Variants in MAPKAP1 observed in about 807,000 individuals in gnomAD.
The protein encoded by MAPKAP1 is target of rapamycin complex 2 subunit MAPKAP1.
MAPKAP1 carries 20 observed loss-of-function variants against 65.7 expected under a neutral mutation model. That is an observed-to-expected ratio of 0.30 (90% CI 0.21 to 0.44). MAPKAP1 has a LOEUF of 0.44. Ranked by LOEUF, MAPKAP1 falls within the 20% of genes least tolerant of loss-of-function variation. The pLI is 1.00. For missense variants in MAPKAP1, 423 were observed against 648.0 expected (o/e 0.65, Z 3.77); for synonymous variants, 222 against 244.3 (o/e 0.91, Z 0.85).
In MAPKAP1 at chr9:125,706,423, TG is replaced by T. The variant is rs563524180; in HGVS notation, c.-70+547del. Among the ~76,000 whole-genome samples, 190 of 152,164 alleles carry T rather than the reference TG, an allele frequency of 1.2e-3. 2 individuals are homozygous for T. Among genetic ancestry groups the T allele is most frequent in the Admixed American group, 0.011 (175 of 15,268 alleles). ...GTTTTAACCAATTTCTGAGTCAATTTGGGGGTCTCTGGTTAAAGTCATAATC... is the reference window on the plus strand; with the variant it reads ...GTTTTAACCAATTTCTGAGTCAATTTGGGGTCTCTGGTTAAAGTCATAATC... On this transcript the variant is annotated intron_variant, in intron 1 of 11. Coordinates refer to ENST00000265960, the MANE Select transcript of MAPKAP1 (RefSeq NM_001006617.3).
intron 6 of MAPKAP1, among the ~76,000 whole-genome samples, chr9:125,543,457 T>A (rs1254959452): frequency 6.6e-6 from 1 of 151,206 alleles, no homozygotes; most frequent in Non-Finnish European, 1.5e-5. Flanking sequence ...TTTTTTTTTT[T>A]AGTAGAGACA....
At chr9:125,653,812 G>A (rs940544840) in intron 4 of MAPKAP1, among the ~76,000 whole-genome samples, 2 of 152,166 alleles carry the variant, frequency 1.3e-5, no homozygotes, top group Non-Finnish European at 2.9e-5. Flanking sequence ...GGTCTCATGA[G>A]GCTTGTGAGG....
At chr9:125,471,097 T>C (rs1039134561) in intron 9 of MAPKAP1, 2 of 152,222 alleles carry the variant, frequency 1.3e-5, no homozygotes, top group Non-Finnish European at 2.9e-5. Flanking sequence ...TTAACACTTG[T>C]GTGAGTCTCA....
intron 4 of MAPKAP1, among the ~76,000 whole-genome samples, chr9:125,592,700 C>A (rs879840134): frequency 1.1e-4 from 17 of 151,292 alleles, no homozygotes; most frequent in Non-Finnish European, 2.2e-4. Context: ...GTCAGGAGAT[C>A]GAGACCATCT....
At chr9:125,682,695 T>C (rs1377057638) in intron 1 of MAPKAP1, among the ~76,000 whole-genome samples, 1 of 152,242 alleles carries the variant, frequency 6.6e-6, no homozygotes, top group African/African-American at 2.4e-5. Flanking sequence ...TTACTAGTTT[T>C]ACCTAAACTG....
intron 7 of MAPKAP1, among the ~76,000 whole-genome samples, chr9:125,538,575 A>G (rs1232250305): frequency 6.6e-6 from 1 of 152,092 alleles, no homozygotes; most frequent in Non-Finnish European, 1.5e-5. Flanking sequence ...TAAACTGCAA[A>G]GTAATCTGAA....
intron 4 of MAPKAP1, among the ~76,000 whole-genome samples, chr9:125,627,831 T>C (rs777169061): frequency 1.3e-5 from 2 of 151,994 alleles, no homozygotes; most frequent in Non-Finnish European, 2.9e-5. Context: ...ATTCCCACTG[T>C]TTTCATAGGC....
intron 7 of MAPKAP1, among the ~76,000 whole-genome samples, chr9:125,539,111 A>C (rs539533532): frequency 4.7e-4 from 71 of 152,220 alleles, no homozygotes; most frequent in Non-Finnish European, 5.4e-4. Flanking sequence ...CTGTAATTCT[A>C]AACAGATATA....
intron 6 of MAPKAP1, among the ~76,000 whole-genome samples, chr9:125,554,064 A>G (rs2133198801): frequency 6.6e-6 from 1 of 152,240 alleles, no homozygotes; most frequent in Non-Finnish European, 1.5e-5. Context: ...ACCCTAGGAT[A>G]ACGTGGCGAG....
At chr9:125,450,395 G>T (rs1002376523) in intron 10 of MAPKAP1, among the ~76,000 whole-genome samples, 42 of 152,158 alleles carry the variant, frequency 2.8e-4, no homozygotes, top group African/African-American at 9.4e-4. Flanking sequence ...AACCATTCTC[G>T]CCTGTTTTCA....
intron 11 of MAPKAP1, among the ~76,000 whole-genome samples, chr9:125,443,019 G>A (rs1852552602): frequency 6.6e-6 from 1 of 152,174 alleles, no homozygotes; most frequent in African/African-American, 2.4e-5. Context: ...TCCTGGCTCT[G>A]CTACTTTATT....
rs1012722822 is a variant in MAPKAP1 at position 125,595,058 on chromosome 9, T to C, written c.499-9331A>G. Reference sequence around the variant, plus strand: ...TAAACACTTGCATTATATTATAGCATATGGTGGTACCACCTATTCTCCCAT... The same window carrying C: ...TAAACACTTGCATTATATTATAGCACATGGTGGTACCACCTATTCTCCCAT... On this transcript the variant is annotated intron_variant, in intron 4 of 11. Coordinates refer to ENST00000265960, the MANE Select transcript of MAPKAP1 (RefSeq NM_001006617.3). This position sits in a 1 kb window ranked among gnomAD's most constrained non-coding sequence, Gnocchi z 4.0. 2.0e-5 allele frequency among the ~76,000 whole-genome samples: 3 copies of C among 152,246 alleles called. No homozygotes were observed. The highest frequency in any genetic ancestry group is 1.5e-5 in the Non-Finnish European group (1 of 68,034).
intron 5 of MAPKAP1, among the ~76,000 whole-genome samples, chr9:125,564,343 G>A (rs969601317): frequency 2.6e-5 from 4 of 152,290 alleles, no homozygotes; most frequent in Admixed American, 2.6e-4. Context: ...AATGGGTTAA[G>A]TTTACACATA....
chr9:125,695,872 G>T (rs1255918441), intron 1 of MAPKAP1, among the ~76,000 whole-genome samples: 2 of 151,948 alleles, frequency 1.3e-5, no homozygotes, highest in African/African-American at 4.8e-5. Flanking sequence ...GGGATTATAG[G>T]CATGTGCCAT....
chr9:125,621,444 T>C (rs1832897059), intron 4 of MAPKAP1, among the ~76,000 whole-genome samples: 1 of 152,174 alleles, frequency 6.6e-6, no homozygotes, highest in African/African-American at 2.4e-5. Flanking sequence ...ATTTTCCATA[T>C]CTGTAAACCA....
intron 5 of MAPKAP1, among the ~76,000 whole-genome samples, chr9:125,569,424 C>T (rs865970062): frequency 2.6e-5 from 4 of 152,118 alleles, no homozygotes; most frequent in African/African-American, 9.7e-5. Context: ...GGAAGTAAGT[C>T]GTTTCTGGTT....
intron 1 of MAPKAP1, among the ~76,000 whole-genome samples, chr9:125,702,395 G>A (rs1473119835): frequency 2.6e-5 from 4 of 152,058 alleles, no homozygotes; most frequent in Non-Finnish European, 4.4e-5. Context: ...TTAGCCAGGC[G>A]TGGTGGCGCA....
intron 7 of MAPKAP1, chr9:125,513,330 T>A (rs1829363473): frequency 8.0e-6 from 1 of 125,562 alleles, no homozygotes; most frequent in Admixed American, 7.8e-5. Context: ...GAATCACCTG[T>A]GCAAGGAAAA....
At chr9:125,551,165 A>C (rs536861) in intron 6 of MAPKAP1, among the ~76,000 whole-genome samples, 78,438 of 151,992 alleles carry the variant, frequency 0.52, 20,967 homozygotes, top group East Asian at 0.66. Flanking sequence ...GAGTGTGTGA[A>C]AATATTCTCC....
Sources: allele counts gnomAD v4.1 joint callset (sites outside exome capture counted in the v4.1 genomes callset), GRCh38; gene constraint gnomAD v4.1.1; non-coding constraint Gnocchi (gnomAD v3.1); transcripts MANE v1.5; gene names NCBI Gene and HGNC (gene_info 2026-07-23, HGNC 2026-07-21).